The following ITSN1 variants were observed in gnomAD, a reference collection of about 807,000 sequenced individuals.
ITSN1 encodes the protein intersectin 1, also known as intersectin-1.
A neutral mutation model predicts 239.8 loss-of-function variants in ITSN1; 58 were observed. The observed-to-expected ratio is 0.24, with a 90% CI of 0.20 to 0.30. ITSN1 has a LOEUF of 0.30. Among genes scored for constraint, ITSN1 ranks in the 10% least tolerant of loss-of-function variants. ITSN1 has a pLI of 1.00. For synonymous variants in ITSN1, 780 were observed against 770.8 expected (o/e 1.01, Z -0.20); for missense variants, 1,558 against 2,103.3 (o/e 0.74, Z 5.07).
chr21:33,845,286 G>C lies in ITSN1; in HGVS notation c.3661+8654G>C, dbSNP rs536922551. On this transcript the variant is annotated intron_variant, in intron 29 of 39. Coordinates refer to ENST00000381318, the MANE Select transcript of ITSN1 (RefSeq NM_003024.3). Reference sequence around the variant, plus strand: ...CGGGGGAGGCACGTCCAAAGATCAAGGGGGAGGAGCTTTCTCGGCCCAAGG... The same window carrying C: ...CGGGGGAGGCACGTCCAAAGATCAACGGGGAGGAGCTTTCTCGGCCCAAGG... Among the ~76,000 whole-genome samples the C allele has an allele frequency of 7.9e-5, 12 of 152,100 alleles. No homozygotes were observed. In the East Asian group the frequency reaches 2.1e-3, roughly 27 times the overall value.
intron 7 of ITSN1, among the ~76,000 whole-genome samples, chr21:33,754,380 T>G (rs552483344): frequency 6.6e-6 from 1 of 152,358 alleles, no homozygotes; most frequent in South Asian, 2.1e-4. Flanking sequence ...AAGTTCAGTA[T>G]TTCAGTAAGA....
At chr21:33,730,944 C>CTT (rs1158649458) in intron 4 of ITSN1, among the ~76,000 whole-genome samples, 6 of 148,706 alleles carry the variant, frequency 4.0e-5, no homozygotes, top group African/African-American at 1.5e-4. Flanking sequence ...GATCCACCTG[C>CTT]CTCGGCCTCC....
At chr21:33,725,147 T>G (rs1223545290) in intron 4 of ITSN1, among the ~76,000 whole-genome samples, 6 of 146,016 alleles carry the variant, frequency 4.1e-5, no homozygotes, top group Non-Finnish European at 6.0e-5. Flanking sequence ...TTTTTTTTTT[T>G]TTTTTGAGAT....
At chr21:33,741,496 A>T (rs1348535499) in intron 5 of ITSN1, among the ~76,000 whole-genome samples, 3 of 151,934 alleles carry the variant, frequency 2.0e-5, no homozygotes, top group African/African-American at 7.3e-5. Flanking sequence ...ACTGTAAACC[A>T]GTCATCTAGA....
intron 20 of ITSN1, among the ~76,000 whole-genome samples, chr21:33,804,789 A>G (rs1226755705): frequency 1.3e-5 from 2 of 152,230 alleles, no homozygotes; most frequent in African/African-American, 4.8e-5. Context: ...TTCATGGGCC[A>G]CATTGCAAGA....
chr21:33,672,505 G>A (rs142265401), intron 1 of ITSN1, among the ~76,000 whole-genome samples: 1 of 152,272 alleles, frequency 6.6e-6, no homozygotes, highest in Non-Finnish European at 1.5e-5. Flanking sequence ...TGAAGAAAAG[G>A]GAACGCTTGT....
At chr21:33,651,054 A>G (rs529214557) in intron 1 of ITSN1, among the ~76,000 whole-genome samples, 23 of 152,392 alleles carry the variant, frequency 1.5e-4, no homozygotes, top group Admixed American at 1.4e-3. Flanking sequence ...GGCTAGCCCC[A>G]GGCCCTAGAG....
At chr21:33,728,803 A>T (rs2065989228) in intron 4 of ITSN1, among the ~76,000 whole-genome samples, 1 of 152,188 alleles carries the variant, frequency 6.6e-6, no homozygotes, top group South Asian at 2.1e-4. Flanking sequence ...CTTGCACTAA[A>T]ATATAAGCTC....
chr21:33,844,005 G>T (rs77114149), intron 29 of ITSN1, among the ~76,000 whole-genome samples: 1 of 152,206 alleles, frequency 6.6e-6, no homozygotes, highest in Non-Finnish European at 1.5e-5. Context: ...GGTAGGTTGT[G>T]TGCATTTTTA....
At chr21:33,718,936 T>A in intron 2 of ITSN1, 80 bp downstream of exon 2, 1 of 1,099,216 alleles carries the variant, frequency 9.1e-7, no homozygotes, top group Non-Finnish European at 1.4e-6. Context: ...AATTTAAAAT[T>A]AAAAAGTAGA....
chr21:33,751,318 A>C (rs1456687722), intron 6 of ITSN1, among the ~76,000 whole-genome samples: 1 of 152,182 alleles, frequency 6.6e-6, no homozygotes, highest in East Asian at 1.9e-4. Flanking sequence ...GCTAAGACGC[A>C]GTGTTTTTTT....
rs375049681 is a variant in ITSN1 at position 33,876,247 on chromosome 21, C to CT, written c.4341+728dup. On this transcript the variant is annotated intron_variant, in intron 34 of 39. Coordinates refer to ENST00000381318, the MANE Select transcript of ITSN1 (RefSeq NM_003024.3). ...TCTTTCTTTCCTTCTCTCTCTCTTT[C>CT]TTCTCCTTCCTTCCTCTCTTCTTTT... Among the ~76,000 whole-genome samples, 114 of 29,880 alleles carry CT rather than the reference C, an allele frequency of 3.8e-3. 2 individuals are homozygous for CT. Among genetic ancestry groups the CT allele is most frequent in the African/African-American group, 0.024 (74 of 3,028 alleles). 19.6% of individuals were successfully genotyped at this position (29,880 alleles called of 152,430 possible).
At chr21:33,771,304 G>A (rs1429631866) in intron 11 of ITSN1, among the ~76,000 whole-genome samples, 1 of 152,166 alleles carries the variant, frequency 6.6e-6, no homozygotes, top group East Asian at 1.9e-4. Flanking sequence ...CTTAGATGTG[G>A]ACCAGGGACT....
intron 1 of ITSN1, among the ~76,000 whole-genome samples, chr21:33,643,020 G>GC (rs1446669713): frequency 6.7e-6 from 1 of 149,758 alleles, no homozygotes; most frequent in Non-Finnish European, 1.5e-5. Flanking sequence ...GGGCGCCGCG[G>GC]CCCCGCCGCC....
intron 1 of ITSN1, among the ~76,000 whole-genome samples, chr21:33,650,214 C>T (rs75195742): frequency 5.3e-5 from 8 of 152,228 alleles, no homozygotes; most frequent in African/African-American, 1.9e-4. Context: ...GTCTGCAAAT[C>T]GTTCTGGTGT....
intron 1 of ITSN1, among the ~76,000 whole-genome samples, chr21:33,680,825 C>G (rs2090905920): frequency 6.6e-6 from 1 of 152,208 alleles, no homozygotes; most frequent in Non-Finnish European, 1.5e-5. Context: ...AGAGTCAGCA[C>G]AGCCAGGGTG....
chr21:33,826,879 T>C lies in ITSN1; in HGVS notation c.3229+16T>C, dbSNP rs2148334738. 3.1e-6 allele frequency: 5 copies of C among 1,604,924 alleles called. No homozygotes were observed. The highest frequency in any genetic ancestry group is 4.3e-6 in the Non-Finnish European group (5 of 1,171,658). On this transcript the variant is annotated intron_variant, in intron 26 of 39. Coordinates refer to ENST00000381318, the MANE Select transcript of ITSN1 (RefSeq NM_003024.3). The stretch of plus-strand genomic sequence containing the variant: ...AAAAAACCTGGTAAGTTACAAACCC[T>C]GATGCTTACTTTTCAATGTTTTGAA...
intron 5 of ITSN1, among the ~76,000 whole-genome samples, chr21:33,748,859 TG>T (rs2067357904): frequency 6.6e-6 from 1 of 152,020 alleles, no homozygotes; most frequent in African/African-American, 2.4e-5. Context: ...AGTGAGATCT[TG>T]TCTCAAACAA....
chr21:33,773,402 A>C (rs75672446), intron 12 of ITSN1, among the ~76,000 whole-genome samples: 3,887 of 152,268 alleles, frequency 0.026, 69 homozygotes, highest in Non-Finnish European at 0.035. Flanking sequence ...CCATACCTGG[A>C]AAGGGGCTAA....
Sources: allele counts gnomAD v4.1 joint callset (sites outside exome capture counted in the v4.1 genomes callset), GRCh38; gene constraint gnomAD v4.1.1; transcripts MANE v1.5; gene names NCBI Gene and HGNC (gene_info 2026-07-23, HGNC 2026-07-21).